The following ZFP64 variants were observed in gnomAD, a reference collection of about 807,000 sequenced individuals.
ZFP64 encodes zinc finger protein 64.
In ZFP64, 14 loss-of-function variants were observed where a neutral mutation model predicts 51.6. The ratio of observed to expected loss-of-function variants is 0.27; its 90% CI spans 0.18 to 0.42. The LOEUF (loss-of-function observed/expected upper bound fraction) is 0.42. Ranked by LOEUF, ZFP64 falls within the 10% of genes least tolerant of loss-of-function variation. The pLI is 1.00. For synonymous variants in ZFP64, 375 were observed against 361.4 expected, an observed-to-expected ratio of 1.04 and a Z score of -0.43; for missense variants, 754 against 906.8, an observed-to-expected ratio of 0.83 and a Z score of 2.16.
intron 2 of ZFP64, among the ~76,000 whole-genome samples, chr20:52,177,064 C>T (rs975715772): frequency 1.0e-4 from 15 of 150,384 alleles, no homozygotes; most frequent in Non-Finnish European, 1.6e-4. Flanking sequence ...CTCAGTGGGC[C>T]GTTCATTCAT....
rs534668193 is a variant in ZFP64, at chr20:52,152,082, A to T, written c.*64T>A. On this transcript the variant is annotated 3_prime_UTR_variant, in exon 6 of 6. Transcript: ENST00000216923. ...AAAACATTAAGAGCAAACCTTTTAG[A>T]GAATTCTACTTAAGATTTCTTTTTC... is the stretch of plus-strand genomic sequence containing the variant. 13 of 1,547,588 alleles carry T rather than the reference A, an allele frequency of 8.4e-6. No homozygotes were observed. The African/African-American group carries it at 1.8e-4, about 21-fold the overall frequency.
Position 52,160,292 on chromosome 20 carries a change from C to A in ZFP64, c.594G>T (p.Thr198=). 1 of 1,614,196 alleles carries A rather than the reference C, an allele frequency of 6.2e-7. No homozygotes were observed. Among genetic ancestry groups the A allele is most frequent in the Non-Finnish European group, 8.5e-7 (1 of 1,180,044 alleles). The part of the protein sequence containing the change: ...DKLKTHMRCH[T]GVKPYKCKTC... Reference sequence around the variant, plus strand: ...TCTTACACTTGTAGGGCTTCACGCCCGTGTGGCACCGCATGTGAGTTTTCA... The same window carrying A: ...TCTTACACTTGTAGGGCTTCACGCCAGTGTGGCACCGCATGTGAGTTTTCA... The change falls in exon 5 of 6, where the codon ACG becomes ACT. Residue 198 remains threonine (T), a synonymous_variant. Transcript: ENST00000216923. This position sits in a 1 kb window ranked among gnomAD's most constrained non-coding sequence, Gnocchi z 4.2.
chr20:52,129,226 C>G (rs369643107), intron 5 of ZFP64, among the ~76,000 whole-genome samples: 1 of 151,954 alleles, frequency 6.6e-6, no homozygotes, highest in Non-Finnish European at 1.5e-5. Flanking sequence ...GGACTACAGG[C>G]GCCCACCACC....
chr20:52,127,802 G>A (rs1411619082), intron 5 of ZFP64, among the ~76,000 whole-genome samples: 2 of 152,140 alleles, frequency 1.3e-5, no homozygotes, highest in Non-Finnish European at 2.9e-5. Context: ...TAGTGAAAAC[G>A]TGATTTTCAC....
intron 7 of ZFP64, chr20:52,088,928 C>T (rs1331447411): frequency 3.3e-6 from 2 of 597,270 alleles, no homozygotes; most frequent in East Asian, 3.9e-5. Flanking sequence ...TAGAAGTACT[C>T]AGGATAAGAA....
chr20:52,093,854 C>T (rs528690325), intron 7 of ZFP64, among the ~76,000 whole-genome samples: 1 of 152,208 alleles, frequency 6.6e-6, no homozygotes, highest in Non-Finnish European at 1.5e-5. Context: ...ATCTACCAAG[C>T]TCCCAGCTGA....
At chr20:52,088,578 G>A (rs778126791) in exon 8 of ZFP64, 2 of 1,614,202 alleles carry the variant, frequency 1.2e-6, no homozygotes, top group Non-Finnish European at 1.7e-6. Context: ...CACCGCATGT[G>A]CATGGTCAGG....
chr20:52,125,174 G>T (rs909229697), intron 5 of ZFP64, among the ~76,000 whole-genome samples: 1 of 152,190 alleles, frequency 6.6e-6, no homozygotes, highest in Non-Finnish European at 1.5e-5. Flanking sequence ...GGTGACAACA[G>T]ATGCAACCAG....
chr20:52,177,696 A>G (rs1382383534), intron 2 of ZFP64, among the ~76,000 whole-genome samples: 2 of 151,818 alleles, frequency 1.3e-5, no homozygotes, highest in Non-Finnish European at 2.9e-5. Context: ...GAGAGATAAT[A>G]TGTGTCTTTA....
In ZFP64 at chr20:52,104,700, C is replaced by A. The variant is rs539236518; in HGVS notation, c.764-6113G>T. 256 of 476,712 alleles carry A rather than the reference C, an allele frequency of 5.4e-4. 2 individuals are homozygous for A. The highest frequency in any genetic ancestry group is 4.9e-3 in the African/African-American group (247 of 50,458). The allele number at this position is 476,712 out of a possible 1,614,324, so 29.5% of individuals were successfully genotyped here. On this transcript the variant is annotated intron_variant, in intron 5 of 8. Coordinates refer to the ZFP64 transcript ENST00000361387. ...TCCTTCGGGTCTTCGCTCGAACGTCCGCTCCTCGGTGAGGCCTTCCCTGGA... is the reference window on the plus strand; with the variant it reads ...TCCTTCGGGTCTTCGCTCGAACGTCAGCTCCTCGGTGAGGCCTTCCCTGGA...
intron 2 of ZFP64, among the ~76,000 whole-genome samples, chr20:52,183,881 TCTCA>T (rs1228316210): frequency 6.6e-6 from 1 of 152,166 alleles, no homozygotes; most frequent in Non-Finnish European, 1.5e-5. Flanking sequence ...TGAAATGGAA[TCTCA>T]CTCACTCTGT....
At chr20:52,181,572 G>T (rs776878729) in intron 2 of ZFP64, among the ~76,000 whole-genome samples, 14 of 152,188 alleles carry the variant, frequency 9.2e-5, no homozygotes, top group Non-Finnish European at 1.8e-4. Context: ...AAACGGTTTG[G>T]CTTAAGCAAG....
At chr20:52,178,093 T>A (rs1414879429) in intron 2 of ZFP64, among the ~76,000 whole-genome samples, 2 of 151,840 alleles carry the variant, frequency 1.3e-5, no homozygotes, top group Non-Finnish European at 2.9e-5. Context: ...GCATCTGACC[T>A]GACCCAACCA....
At chr20:52,183,696 G>T (rs1170685431) in intron 2 of ZFP64, among the ~76,000 whole-genome samples, 1 of 152,152 alleles carries the variant, frequency 6.6e-6, no homozygotes, top group Admixed American at 6.5e-5. Flanking sequence ...TAAGGTTTGT[G>T]AGGGGATCAG....
intron 6 of ZFP64, chr20:52,097,439 G>T: frequency 6.3e-7 from 1 of 1,576,424 alleles, no homozygotes; most frequent in Non-Finnish European, 8.6e-7. Flanking sequence ...TGGCAACCTA[G>T]AAAAGAAAAA....
intron 5 of ZFP64, among the ~76,000 whole-genome samples, chr20:52,116,097 G>T (rs555409284): frequency 3.0e-4 from 46 of 151,558 alleles, no homozygotes; most frequent in Middle Eastern, 3.5e-3. Flanking sequence ...TCCTCCCAAA[G>T]TGCTGGGATT....
At chr20:52,125,274 T>C (rs1329306219) in intron 5 of ZFP64, among the ~76,000 whole-genome samples, 1 of 152,180 alleles carries the variant, frequency 6.6e-6, no homozygotes, top group Non-Finnish European at 1.5e-5. Flanking sequence ...GGTGGGAATT[T>C]ACAGCAGCAT....
rs138185896 is a variant in ZFP64 at position 52,159,759 on chromosome 20, G to C, written c.763+364C>G. 4.2e-3 allele frequency among the ~76,000 whole-genome samples: 647 copies of C among 152,250 alleles called. 3 individuals carry two copies. Among genetic ancestry groups the C allele is most frequent in the Non-Finnish European group, 7.2e-3 (487 of 68,016 alleles). On this transcript the variant is annotated intron_variant, in intron 5 of 5. Coordinates refer to ENST00000216923, the MANE Select transcript of ZFP64 (RefSeq NM_018197.3). ...CCCAGCACTTTGGGAGGCTGAGGTG[G>C]ACAGACCACTTGAGGTCAATAGTTC...
intron 5 of ZFP64, among the ~76,000 whole-genome samples, chr20:52,144,661 G>A (rs1450422089): frequency 1.4e-5 from 2 of 142,392 alleles, no homozygotes; most frequent in Non-Finnish European, 3.1e-5. Context: ...AAAAGCAAAA[G>A]TGCTACTTTT....
Sources: gnomAD v4.1 joint callset for allele counts (sites outside exome capture counted in the v4.1 genomes callset) on GRCh38, gnomAD v4.1.1 for gene constraint, Gnocchi (gnomAD v3.1) non-coding constraint, MANE v1.5 for transcripts, NCBI Gene and HGNC (gene_info 2026-07-23, HGNC 2026-07-21) for gene names.